LTBP1: variants seen among roughly 807,000 people sequenced by gnomAD.
LTBP1 encodes the protein latent transforming growth factor beta binding protein 1.
LTBP1 carries 129 observed loss-of-function variants against 207.6 expected under a neutral mutation model. That is an observed-to-expected ratio of 0.62 (90% CI 0.54 to 0.72). LTBP1 has a LOEUF of 0.72. Ranked by LOEUF, LTBP1 falls within the 30% of genes least tolerant of loss-of-function variation. The pLI is 0.00. For synonymous variants in LTBP1, 963 were observed against 833.7 expected, an observed-to-expected ratio of 1.16 and a Z score of -2.67; for missense variants, 2,281 against 2,217.2, an observed-to-expected ratio of 1.03 and a Z score of -0.58.
At chr2:33,135,633 A>G (rs2082086584) in intron 5 of LTBP1, among the ~76,000 whole-genome samples, 1 of 152,190 alleles carries the variant, frequency 6.6e-6, no homozygotes, top group African/African-American at 2.4e-5. Flanking sequence ...AGTTAATTTA[A>G]ATATGAAGTA....
intron 3 of LTBP1, among the ~76,000 whole-genome samples, chr2:33,027,833 C>G (rs1485047553): frequency 1.3e-5 from 2 of 152,102 alleles, no homozygotes; most frequent in Non-Finnish European, 2.9e-5. Flanking sequence ...AAGACTCCAT[C>G]TCAGAAAAAA....
Position 33,112,939 on chromosome 2 carries a change from C to A in LTBP1, c.1033+2188C>A, listed in dbSNP as rs184667565. On this transcript the variant is annotated intron_variant, in intron 4 of 33. Coordinates refer to ENST00000404816, the MANE Select transcript of LTBP1 (RefSeq NM_206943.4). ...TTATATTTACAGAAGAGATCAAATG[C>A]AAACATTAATTTTTTATTGTGCTGA... Among the ~76,000 whole-genome samples the A allele has an allele frequency of 4.1e-3, 628 of 152,266 alleles. 18 individuals carry two copies. The highest frequency in any genetic ancestry group is 0.039 in the Admixed American group (598 of 15,290).
chr2:33,376,358 C>T (rs770515102), intron 31 of LTBP1, among the ~76,000 whole-genome samples: 73 of 152,310 alleles, frequency 4.8e-4, no homozygotes, highest in Admixed American at 3.3e-3. Flanking sequence ...CACCCTAAGA[C>T]GTGTCACAGA....
At chr2:33,186,687 C>T (rs946137876) in intron 5 of LTBP1, among the ~76,000 whole-genome samples, 169 bp from the exon 6 acceptor site, 8 of 152,264 alleles carry the variant, frequency 5.3e-5, no homozygotes, top group Non-Finnish European at 7.4e-5. Context: ...TAGTCAGTAA[C>T]GGAGACTACT....
chr2:33,017,889 T>C (rs1049954517), intron 2 of LTBP1, among the ~76,000 whole-genome samples: 2 of 152,216 alleles, frequency 1.3e-5, no homozygotes, highest in African/African-American at 4.8e-5. Flanking sequence ...GTACAAGTTT[T>C]GCTTTTTATG....
intron 2 of LTBP1, among the ~76,000 whole-genome samples, chr2:32,989,235 T>C (rs1422011242): frequency 3.9e-5 from 6 of 152,194 alleles, no homozygotes; most frequent in Non-Finnish European, 8.8e-5. Context: ...TATTAATTAA[T>C]GTGGGAACCA....
intron 31 of LTBP1, among the ~76,000 whole-genome samples, chr2:33,372,232 G>T (rs571136544): frequency 1.3e-4 from 20 of 152,290 alleles, no homozygotes; most frequent in African/African-American, 4.6e-4. Context: ...AACCTCTTCA[G>T]TGTTACTCGA....
intron 2 of LTBP1, among the ~76,000 whole-genome samples, chr2:32,968,724 TGCC>T (rs1680362310): frequency 6.6e-6 from 1 of 151,088 alleles, no homozygotes; most frequent in East Asian, 1.9e-4. Context: ...TCTTTTTTCC[TGCC>T]TTTTTTTTTT....
chr2:33,018,557 C>G (rs1688711364), intron 2 of LTBP1, among the ~76,000 whole-genome samples: 1 of 152,122 alleles, frequency 6.6e-6, no homozygotes, highest in African/African-American at 2.4e-5. Context: ...TGGGTGGATC[C>G]CATTCCCATT....
At chr2:33,213,657 C>T (rs541520521) in intron 7 of LTBP1, among the ~76,000 whole-genome samples, 154 of 152,300 alleles carry the variant, frequency 1.0e-3, no homozygotes, top group Non-Finnish European at 1.1e-3. Context: ...TGAGTATGGC[C>T]ACAGAGATCT....
chr2:33,254,852 G>GTGTTTT (rs2092794480), intron 11 of LTBP1, among the ~76,000 whole-genome samples: 1 of 10,366 alleles, frequency 9.6e-5, no homozygotes, highest in African/African-American at 5.4e-4. Context: ...GCGGTGTTTG[G>GTGTTTT]TTTTTTTTTT....
intron 5 of LTBP1, among the ~76,000 whole-genome samples, chr2:33,149,965 C>T (rs10432656): frequency 0.049 from 7,465 of 152,214 alleles, 254 homozygotes; most frequent in Middle Eastern, 0.14. Flanking sequence ...TACACATGCC[C>T]TTTGAAGGAT....
intron 23 of LTBP1, among the ~76,000 whole-genome samples, chr2:33,311,027 A>G (rs569101972): frequency 1.6e-4 from 24 of 152,270 alleles, no homozygotes; most frequent in East Asian, 1.5e-3. Flanking sequence ...CTGAATATGT[A>G]TGATTTTTTT....
At chr2:33,235,988 C>T (rs149821107) in intron 9 of LTBP1, among the ~76,000 whole-genome samples, 2,252 of 152,202 alleles carry the variant, frequency 0.015, 23 homozygotes, top group East Asian at 0.026. Flanking sequence ...ACCACTATGG[C>T]ACTTGTATAC....
At chr2:33,330,804 A>G (rs1233546658) in intron 24 of LTBP1, among the ~76,000 whole-genome samples, 6 of 140,048 alleles carry the variant, frequency 4.3e-5, no homozygotes, top group Non-Finnish European at 6.1e-5. Flanking sequence ...GGTTTTCTCT[A>G]TCATGGTCTC....
At chr2:33,351,986 C>T (rs2094787972) in intron 26 of LTBP1, among the ~76,000 whole-genome samples, 1 of 152,180 alleles carries the variant, frequency 6.6e-6, no homozygotes, top group Non-Finnish European at 1.5e-5. Context: ...ATATCTTCTG[C>T]CCCCACCTCT....
intron 2 of LTBP1, among the ~76,000 whole-genome samples, chr2:33,016,446 A>T (rs1210753462): frequency 6.6e-6 from 1 of 152,158 alleles, no homozygotes; most frequent in Non-Finnish European, 1.5e-5. Context: ...TTGGCTGTAT[A>T]TTTCAGTCAC....
chr2:33,338,235 G>T (rs1049028013), intron 24 of LTBP1, among the ~76,000 whole-genome samples: 1 of 151,924 alleles, frequency 6.6e-6, no homozygotes, highest in Non-Finnish European at 1.5e-5. Flanking sequence ...AAACTTTCTC[G>T]GTTAATCACT....
intron 33 of LTBP1, among the ~76,000 whole-genome samples, chr2:33,398,020 G>A (rs546722172): frequency 6.6e-6 from 1 of 152,244 alleles, no homozygotes; most frequent in African/African-American, 2.4e-5. Flanking sequence ...CTCTGCGTAG[G>A]TATCTGGTTC....
Sources: gnomAD v4.1 joint callset for allele counts (sites outside exome capture counted in the v4.1 genomes callset) on GRCh38, gnomAD v4.1.1 for gene constraint, MANE v1.5 for transcripts, NCBI Gene and HGNC (gene_info 2026-07-23, HGNC 2026-07-21) for gene names.